Variants in DOCK10 observed in about 807,000 individuals in gnomAD.
DOCK10 encodes dedicator of cytokinesis protein 10.
A neutral mutation model predicts 280.1 loss-of-function variants in DOCK10; 145 were observed. The observed-to-expected ratio is 0.52, with a 90% CI of 0.45 to 0.59. The LOEUF (loss-of-function observed/expected upper bound fraction) is 0.59, where lower values mean the gene tolerates loss of function less well. Ranked by LOEUF, DOCK10 falls within the 20% of genes least tolerant of loss-of-function variation. The pLI is 0.00. For missense variants in DOCK10, 2,368 were observed against 2,651.7 expected, an observed-to-expected ratio of 0.89 and a Z score of 2.35; for synonymous variants, 915 against 942.2, an observed-to-expected ratio of 0.97 and a Z score of 0.53.
chr2:224,777,879 T>G (rs1428089961), intron 51 of DOCK10, among the ~76,000 whole-genome samples: 1 of 152,228 alleles, frequency 6.6e-6, no homozygotes, highest in Non-Finnish European at 1.5e-5. Flanking sequence ...AGGCTTTGAT[T>G]GCTATTCAAA....
At chr2:224,839,500 A>G (rs1336393784) in intron 24 of DOCK10, among the ~76,000 whole-genome samples, 3 of 152,234 alleles carry the variant, frequency 2.0e-5, no homozygotes, top group African/African-American at 7.2e-5. Flanking sequence ...GTGCATCCAC[A>G]TCGTGGAATA....
In DOCK10 at chr2:224,983,016, A is replaced by G. The variant is rs143907415; in HGVS notation, c.124-51348T>C. Among the ~76,000 whole-genome samples the G allele has an allele frequency of 4.6e-3, 694 of 152,322 alleles. 14 individuals carry two copies. The highest frequency in any genetic ancestry group is 1.4e-3 in the Non-Finnish European group (94 of 68,026). On this transcript the variant is annotated intron_variant, in intron 1 of 55. Coordinates refer to ENST00000258390, the MANE Select transcript of DOCK10 (RefSeq NM_014689.3). ...CAGTGTTCCCCTGTGATTTCCTCTC[A>G]ATAGTATGGTTGTTCTGTTCCCACA...
At chr2:224,964,617 A>G (rs1704630750) in intron 1 of DOCK10, among the ~76,000 whole-genome samples, 1 of 152,044 alleles carries the variant, frequency 6.6e-6, no homozygotes, top group Middle Eastern at 3.2e-3. Flanking sequence ...CCATCGGCCC[A>G]CCTTGGCCTT....
intron 19 of DOCK10, among the ~76,000 whole-genome samples, chr2:224,849,132 C>T (rs557098234): frequency 5.3e-5 from 8 of 152,114 alleles, no homozygotes; most frequent in South Asian, 4.2e-4. Flanking sequence ...CGTGCCACCA[C>T]GCCCAGCTAA....
chr2:224,932,212 A>G (rs1247212025), intron 1 of DOCK10, among the ~76,000 whole-genome samples: 1 of 152,196 alleles, frequency 6.6e-6, no homozygotes, highest in African/African-American at 2.4e-5. Context: ...GAGACAAGCT[A>G]GGTCATTTTC....
At chr2:225,003,356 TTTTCAG>T (rs1341612549) in intron 1 of DOCK10, among the ~76,000 whole-genome samples, 1 of 152,198 alleles carries the variant, frequency 6.6e-6, no homozygotes, top group Non-Finnish European at 1.5e-5. Context: ...AAGGTTACAT[TTTTCAG>T]TTTGAGTTTT....
chr2:224,974,617 A>G (rs1273117448), intron 1 of DOCK10, among the ~76,000 whole-genome samples: 3 of 151,334 alleles, frequency 2.0e-5, no homozygotes, highest in Non-Finnish European at 4.4e-5. Flanking sequence ...GTTTTTTTCT[A>G]TATTTGATTA....
At chr2:224,840,922 A>G (rs1695918870) in intron 23 of DOCK10, among the ~76,000 whole-genome samples, 1 of 152,200 alleles carries the variant, frequency 6.6e-6, no homozygotes. Context: ...GGAATACTAT[A>G]CAGCCTTAAA....
chr2:225,024,985 C>T (rs545795858), intron 1 of DOCK10, among the ~76,000 whole-genome samples: 6 of 152,226 alleles, frequency 3.9e-5, no homozygotes, highest in Non-Finnish European at 5.9e-5. Context: ...GAGAAGCTGA[C>T]GGAGGTCTGC....
chr2:224,802,829 C>T (rs935438504), intron 39 of DOCK10, among the ~76,000 whole-genome samples: 1 of 152,138 alleles, frequency 6.6e-6, no homozygotes, highest in African/African-American at 2.4e-5. Context: ...GAAGTATCTC[C>T]TAATTCCTCC....
At chr2:224,949,701 A>G (rs1703621506) in intron 1 of DOCK10, among the ~76,000 whole-genome samples, 1 of 152,180 alleles carries the variant, frequency 6.6e-6, no homozygotes, top group Non-Finnish European at 1.5e-5. Flanking sequence ...TGGATCCATC[A>G]CTTCTTAACT....
chr2:224,879,952 A>G (rs16866267), intron 7 of DOCK10, among the ~76,000 whole-genome samples: 26,701 of 152,090 alleles, frequency 0.18, 3,857 homozygotes, highest in African/African-American at 0.41. Context: ...GCTGCAAATA[A>G]TGTTAAAAGG....
intron 28 of DOCK10, among the ~76,000 whole-genome samples, chr2:224,823,134 C>CCT (rs1694614994): frequency 6.6e-6 from 1 of 151,504 alleles, no homozygotes; most frequent in Non-Finnish European, 1.5e-5. Flanking sequence ...ACTACAGGCA[C>CCT]GCACCACCAC....
At chr2:224,817,320 GC>G (rs781709789) in intron 29 of DOCK10, among the ~76,000 whole-genome samples, 174 of 152,276 alleles carry the variant, frequency 1.1e-3, no homozygotes, top group Non-Finnish European at 1.9e-3. Context: ...GTCAAGAACA[GC>G]CACATCAGTA....
intron 4 of DOCK10, among the ~76,000 whole-genome samples, chr2:224,894,773 G>A (rs1010984638): frequency 2.0e-5 from 3 of 152,032 alleles, no homozygotes; most frequent in African/African-American, 7.3e-5. Context: ...TTCTCTTCAC[G>A]GTAATGAAAC....
intron 52 of DOCK10, 101 bp from the exon 53 acceptor site, chr2:224,773,448 T>C (rs145057546): frequency 1.8e-5 from 19 of 1,044,620 alleles, no homozygotes; most frequent in Middle Eastern, 2.1e-4. Flanking sequence ...TCACGGCACA[T>C]GGCACCTTCC....
intron 55 of DOCK10, chr2:224,768,776 C>G (rs1690222715): frequency 2.7e-6 from 1 of 367,042 alleles, no homozygotes; most frequent in Admixed American, 3.8e-5. Context: ...GCACTAGCTA[C>G]TAGGGAGGTG....
chr2:224,862,946 C>T (rs6436515), intron 13 of DOCK10, among the ~76,000 whole-genome samples, 200 bp from the exon 14 acceptor site: 42,898 of 152,076 alleles, frequency 0.28, 9,554 homozygotes, highest in African/African-American at 0.63. Flanking sequence ...TTTCTTTCTT[C>T]TTAGTTTGGA....
At chr2:224,979,675 C>T (rs12329130) in intron 1 of DOCK10, among the ~76,000 whole-genome samples, 118,391 of 152,246 alleles carry the variant, frequency 0.78, 46,726 homozygotes, top group African/African-American at 0.92. Flanking sequence ...GGGTCATTCC[C>T]TTGACTCCTT....
Sources: allele counts gnomAD v4.1 joint callset (sites outside exome capture counted in the v4.1 genomes callset), GRCh38; gene constraint gnomAD v4.1.1; transcripts MANE v1.5; gene names NCBI Gene and HGNC (gene_info 2026-07-23, HGNC 2026-07-21).